SYT9: variants seen among roughly 807,000 people sequenced by gnomAD.
The protein encoded by SYT9 is synaptotagmin-9.
Under a neutral mutation model 48.4 loss-of-function variants are expected in SYT9, and 22 were observed. The ratio of observed to expected loss-of-function variants is 0.45; its 90% CI spans 0.32 to 0.65. The LOEUF is 0.65. SYT9 is among the 30% of genes least tolerant of loss of function. The probability of loss-of-function intolerance (pLI) is 0.03; values close to 1 mark genes in which losing one functional copy is unlikely to be tolerated. For synonymous variants in SYT9, 265 were observed against 245.0 expected (o/e 1.08, Z -0.76); for missense variants, 577 against 622.0 (o/e 0.93, Z 0.77).
intron 6 of SYT9, chr11:7,441,682 TGAAA>T (rs1041684537): frequency 5.9e-5 from 9 of 152,286 alleles, no homozygotes; most frequent in African/African-American, 2.2e-4. Context: ...CATCCAGACA[TGAAA>T]GTAGCCACAG....
intron 3 of SYT9, among the ~76,000 whole-genome samples, chr11:7,345,917 G>A (rs1849791634): frequency 6.6e-6 from 1 of 152,188 alleles, no homozygotes. Context: ...GAGAGCCAAA[G>A]AGGTAAAAGG....
chr11:7,446,854 C>G (rs1224893463), intron 6 of SYT9, among the ~76,000 whole-genome samples: 1 of 152,234 alleles, frequency 6.6e-6, no homozygotes, highest in Non-Finnish European at 1.5e-5. Context: ...GCTCCGCAGG[C>G]CTCCTGCAAT....
rs562750629 is a variant in SYT9 at position 7,282,632 on chromosome 11, A to G, written c.146-20407A>G. Among the ~76,000 whole-genome samples the G allele has an allele frequency of 1.7e-3, 265 of 152,198 alleles. 2 individuals carry two copies. Among genetic ancestry groups the G allele is most frequent in the African/African-American group, 6.1e-3 (252 of 41,516 alleles). ...CGCTTGCCAGCCTAGAGGTGTCTTC[A>G]GTGGCCATCGGGGTCCTCCAACCTG... On this transcript the variant is annotated intron_variant, in intron 1 of 6. Transcript: ENST00000318881.
At chr11:7,296,803 T>C (rs1848816767) in intron 1 of SYT9, among the ~76,000 whole-genome samples, 1 of 152,180 alleles carries the variant, frequency 6.6e-6, no homozygotes, top group Non-Finnish European at 1.5e-5. Context: ...TAAGATTTCA[T>C]TGTGTTCATT....
At chr11:7,402,395 C>T (rs1004299225) in intron 3 of SYT9, among the ~76,000 whole-genome samples, 3 of 151,946 alleles carry the variant, frequency 2.0e-5, no homozygotes, top group Non-Finnish European at 4.4e-5. Flanking sequence ...CTTCTCTTTT[C>T]GTATGTTCAG....
chr11:7,349,891 T>TA (rs1253736217), intron 3 of SYT9, among the ~76,000 whole-genome samples: 4 of 152,128 alleles, frequency 2.6e-5, no homozygotes, highest in Non-Finnish European at 4.4e-5. Context: ...TCCATCTTGG[T>TA]AAAAAAATAG....
Position 7,414,150 on chromosome 11 carries a change from C to T in SYT9, c.1045-1892C>T, listed in dbSNP as rs896268983. Among the ~76,000 whole-genome samples the T allele has an allele frequency of 2.6e-5, 4 of 152,202 alleles. No individual in the cohort carries two copies. In the East Asian group the frequency reaches 7.7e-4, roughly 29 times the overall value. ...GCAGAGATTAGACGGCATGCATTTT[C>T]ACATCCCGAACCTTACAAAGTGTGT... is the stretch of plus-strand genomic sequence containing the variant. On this transcript the variant is annotated intron_variant, in intron 3 of 6. Coordinates refer to ENST00000318881, the MANE Select transcript of SYT9 (RefSeq NM_175733.4).
intron 3 of SYT9, among the ~76,000 whole-genome samples, chr11:7,364,034 G>A (rs1293482331): frequency 6.6e-6 from 1 of 152,174 alleles, no homozygotes; most frequent in Non-Finnish European, 1.5e-5. Context: ...TAAAAATATA[G>A]AGTATATGTT....
At chr11:7,442,195 T>G (rs1294042550) in intron 6 of SYT9, among the ~76,000 whole-genome samples, 2 of 151,860 alleles carry the variant, frequency 1.3e-5, no homozygotes, top group Non-Finnish European at 2.9e-5. Flanking sequence ...AACGCTCTGC[T>G]CTCAGTGAAA....
intron 3 of SYT9, among the ~76,000 whole-genome samples, chr11:7,406,594 G>A (rs912089388): frequency 4.8e-5 from 7 of 146,824 alleles, no homozygotes; most frequent in East Asian, 4.0e-4. Context: ...TAATTTGTCC[G>A]TCGATGGACA....
intron 3 of SYT9, among the ~76,000 whole-genome samples, chr11:7,367,324 G>A (rs1850272503): frequency 1.3e-5 from 2 of 149,376 alleles, no homozygotes; most frequent in South Asian, 2.1e-4. Context: ...CTCGTGATCC[G>A]CCCTCCTCGG....
intron 3 of SYT9, among the ~76,000 whole-genome samples, chr11:7,316,099 A>G (rs1192182964): frequency 6.6e-6 from 1 of 150,960 alleles, no homozygotes; most frequent in African/African-American, 2.4e-5. Context: ...GAACATAAAG[A>G]GCTGAGATTT....
chr11:7,303,188 C>T lies in SYT9; in HGVS notation c.295C>T (p.Leu99Phe), dbSNP rs753864324. 1 of 1,614,152 alleles carries T rather than the reference C, an allele frequency of 6.2e-7. No individual in the cohort carries two copies. Residue 99 changes from leucine to phenylalanine, a missense_variant, in exon 2 of 7, where the codon CTT becomes TTT. Coordinates refer to ENST00000318881, the MANE Select transcript of SYT9 (RefSeq NM_175733.4). Reference sequence around the variant, plus strand: ...TAGCAAAGACAACAACCAGGAGCCCCTTAACTACATGGACACAGAGACCAA... The same window carrying T: ...TAGCAAAGACAACAACCAGGAGCCCTTTAACTACATGGACACAGAGACCAA... ...SGSKDNNQEP[L>F]NYMDTETNEQ... is the part of the protein sequence containing the mutation.
At chr11:7,430,479 G>T (rs1847549675) in intron 6 of SYT9, among the ~76,000 whole-genome samples, 1 of 152,146 alleles carries the variant, frequency 6.6e-6, no homozygotes, top group East Asian at 1.9e-4. Flanking sequence ...GGATCTGAAT[G>T]GTGTGTGCTT....
At chr11:7,267,445 T>C (rs2119818127) in intron 1 of SYT9, among the ~76,000 whole-genome samples, 1 of 151,754 alleles carries the variant, frequency 6.6e-6, no homozygotes, top group South Asian at 2.1e-4. Flanking sequence ...CAGTGAGAGA[T>C]TAAGAAGTAA....
chr11:7,302,915 G>A, intron 1 of SYT9, 124 bp from the exon 2 acceptor site: 2 of 835,400 alleles, frequency 2.4e-6, no homozygotes, highest in Non-Finnish European at 3.9e-6. Flanking sequence ...ATGCGCCCCA[G>A]CATGGCCTTC....
In SYT9 at chr11:7,364,375, C is replaced by T. The variant is rs549953487; in HGVS notation, c.1044+50434C>T. On this transcript the variant is annotated intron_variant, in intron 3 of 6. Coordinates refer to ENST00000318881, the MANE Select transcript of SYT9 (RefSeq NM_175733.4). ...AGAGCTTTAAGAAGAAATAGTAGGC[C>T]TGGTCAATCAATACATAGCTACATT... Among the ~76,000 whole-genome samples, 8 of 152,198 alleles carry T rather than the reference C, an allele frequency of 5.3e-5. No homozygotes were observed. The East Asian group carries it at 7.7e-4, about 15-fold the overall frequency.
intron 3 of SYT9, among the ~76,000 whole-genome samples, chr11:7,369,510 T>C (rs937189062): frequency 1.3e-5 from 2 of 152,302 alleles, no homozygotes; most frequent in East Asian, 3.9e-4. Context: ...GTTTTGGCTT[T>C]TGTTACAATT....
At chr11:7,410,911 A>G (rs929488458) in intron 3 of SYT9, among the ~76,000 whole-genome samples, 4 of 152,014 alleles carry the variant, frequency 2.6e-5, no homozygotes, top group East Asian at 1.9e-4. Flanking sequence ...CTGGAGCGCA[A>G]TGGCGCAGTC....
Sources: allele counts gnomAD v4.1 joint callset (sites outside exome capture counted in the v4.1 genomes callset), GRCh38; gene constraint gnomAD v4.1.1; transcripts MANE v1.5; gene names NCBI Gene and HGNC (gene_info 2026-07-23, HGNC 2026-07-21).